Variants in GLRA3 observed in about 807,000 individuals in gnomAD.
GLRA3 encodes glycine receptor alpha 3.
GLRA3 carries 44 observed loss-of-function variants against 60.4 expected under a neutral mutation model. The observed-to-expected ratio is 0.73, with a 90% CI of 0.57 to 0.94. The LOEUF (loss-of-function observed/expected upper bound fraction) is 0.94, where lower values mean the gene tolerates loss of function less well. Among genes scored for constraint, GLRA3 ranks in the 40% least tolerant of loss-of-function variants. The probability of loss-of-function intolerance (pLI) is 0.00; values close to 1 mark genes in which losing one functional copy is unlikely to be tolerated. For synonymous variants in GLRA3, 223 were observed against 192.9 expected, an observed-to-expected ratio of 1.16 and a Z score of -1.29; for missense variants, 508 against 564.6, an observed-to-expected ratio of 0.90 and a Z score of 1.02.
At chr4:174,676,049 A>G (rs1734104619) in intron 7 of GLRA3, among the ~76,000 whole-genome samples, 1 of 152,194 alleles carries the variant, frequency 6.6e-6, no homozygotes, top group Non-Finnish European at 1.5e-5. Flanking sequence ...GCTTCTTGGA[A>G]GCTATGCAGA....
In GLRA3 at chr4:174,695,339, T is replaced by C. The variant is rs984285138; in HGVS notation, c.575-12400A>G. 2.0e-5 allele frequency among the ~76,000 whole-genome samples: 3 copies of C among 151,942 alleles called. No individual in the cohort carries two copies. The East Asian group carries it at 5.8e-4, about 29-fold the overall frequency. ...GAAGAACATCGGTGCAAAAATTCTC[T>C]ACAAAATAATTTCAAACTGAAACCA... On this transcript the variant is annotated intron_variant, in intron 5 of 9. Transcript: ENST00000274093.
At chr4:174,809,534 A>G (rs1740180677) in intron 1 of GLRA3, among the ~76,000 whole-genome samples, 1 of 152,096 alleles carries the variant, frequency 6.6e-6, no homozygotes, top group African/African-American at 2.4e-5. Context: ...GGAGTTTGAG[A>G]CCAGCCTGGA....
At chr4:174,811,919 T>C (rs1279959496) in intron 1 of GLRA3, among the ~76,000 whole-genome samples, 22 of 152,166 alleles carry the variant, frequency 1.4e-4, no homozygotes. Context: ...AAAATCAATG[T>C]GAAAAAAGTT....
intron 3 of GLRA3, among the ~76,000 whole-genome samples, chr4:174,745,499 T>C (rs1209256786): frequency 6.6e-6 from 1 of 152,232 alleles, no homozygotes; most frequent in Non-Finnish European, 1.5e-5. Flanking sequence ...ACTTACTATG[T>C]ATTTTCATAG....
intron 5 of GLRA3, chr4:174,712,812 G>T (rs765735941): frequency 2.4e-4 from 36 of 151,166 alleles, no homozygotes; most frequent in Non-Finnish European, 3.5e-4. Context: ...AAGGAGAAAA[G>T]AAAAAAATAG....
intron 9 of GLRA3, among the ~76,000 whole-genome samples, chr4:174,647,426 C>T (rs1212503187): frequency 1.5e-5 from 2 of 137,208 alleles, no homozygotes; most frequent in Non-Finnish European, 3.1e-5. Context: ...AAAAAAAAAA[C>T]TCATGGAAAA....
chr4:174,806,325 C>A (rs1740050752), intron 1 of GLRA3, among the ~76,000 whole-genome samples: 1 of 152,004 alleles, frequency 6.6e-6, no homozygotes, highest in African/African-American at 2.4e-5. Context: ...AACCAAACAA[C>A]AAAATTTCAA....
At chr4:174,824,300 T>C (rs1740868272) in intron 1 of GLRA3, among the ~76,000 whole-genome samples, 1 of 152,232 alleles carries the variant, frequency 6.6e-6, no homozygotes, top group South Asian at 2.1e-4. Context: ...TCTAGTAGTG[T>C]GTCATTGTTT....
intron 1 of GLRA3, among the ~76,000 whole-genome samples, chr4:174,820,123 AG>A (rs1188522182): frequency 6.6e-6 from 1 of 152,216 alleles, no homozygotes; most frequent in Admixed American, 6.5e-5. Context: ...AGAACAAGTA[AG>A]GCATAACTGA....
rs542210429 is a variant in GLRA3 at position 174,783,425 on chromosome 4, T to C, written c.199+5391A>G. ...TAGGCATGGGCAAGGACTTCATGTCTAAAACACCAAAAGCAACGGCAACAA... is the reference window on the plus strand; with the variant it reads ...TAGGCATGGGCAAGGACTTCATGTCCAAAACACCAAAAGCAACGGCAACAA... On this transcript the variant is annotated intron_variant, in intron 2 of 9. Coordinates refer to ENST00000274093, the MANE Select transcript of GLRA3 (RefSeq NM_006529.4). Among the ~76,000 whole-genome samples the C allele has an allele frequency of 4.1e-4, 53 of 129,874 alleles. 2 individuals carry two copies. Among genetic ancestry groups the C allele is most frequent in the African/African-American group, 1.4e-3 (48 of 35,412 alleles). 85.2% of individuals were successfully genotyped at this position (129,874 alleles called of 152,430 possible).
chr4:174,752,740 A>T (rs1737538884), intron 3 of GLRA3, among the ~76,000 whole-genome samples: 1 of 152,080 alleles, frequency 6.6e-6, no homozygotes, highest in South Asian at 2.1e-4. Flanking sequence ...GTTGCCCAGG[A>T]TTTATCAGTG....
intron 9 of GLRA3, among the ~76,000 whole-genome samples, chr4:174,653,577 G>C (rs1387341428): frequency 2.0e-5 from 3 of 151,750 alleles, no homozygotes; most frequent in Non-Finnish European, 2.9e-5. Flanking sequence ...TTGATAAATG[G>C]TAAAATTTAA....
At chr4:174,762,066 T>A (rs2111224829) in intron 3 of GLRA3, among the ~76,000 whole-genome samples, 1 of 152,302 alleles carries the variant, frequency 6.6e-6, no homozygotes, top group African/African-American at 2.4e-5. Flanking sequence ...AATGAATGCA[T>A]AAACCATGTA....
At chr4:174,701,961 T>C (rs923765796) in intron 5 of GLRA3, among the ~76,000 whole-genome samples, 3 of 152,208 alleles carry the variant, frequency 2.0e-5, no homozygotes, top group Non-Finnish European at 2.9e-5. Context: ...GTGAACATTG[T>C]TGAAATGACA....
At chr4:174,774,813 T>C (rs897519169) in intron 2 of GLRA3, among the ~76,000 whole-genome samples, 1 of 152,138 alleles carries the variant, frequency 6.6e-6, no homozygotes, top group Non-Finnish European at 1.5e-5. Flanking sequence ...ATCAGCAAAT[T>C]AGAAGGTAGC....
rs377268718 is a variant in GLRA3 at position 174,733,573 on chromosome 4, T to C, written c.268-4875A>G. On this transcript the variant is annotated intron_variant, in intron 3 of 9. Transcript: ENST00000274093. ...AGACAGTGTTCCTGTGCCTTAGTCA[T>C]CTCAGGGCTAGGTACCAGGCAACTA... 2.4e-4 allele frequency among the ~76,000 whole-genome samples: 36 copies of C among 152,296 alleles called. 2 individuals carry two copies. The South Asian group carries it at 5.0e-3, about 21-fold the overall frequency.
At chr4:174,689,499 C>G (rs74667447) in intron 5 of GLRA3, among the ~76,000 whole-genome samples, 1 of 151,900 alleles carries the variant, frequency 6.6e-6, no homozygotes. Context: ...ATTGAAGTCA[C>G]GGCTTTTAGA....
At position 174,642,649 on chromosome 4, in the gene GLRA3, G is replaced by A. The variant is rs1411331732; in HGVS notation, c.*1137C>T. The A allele has an allele frequency of 1.2e-6, 1 of 812,746 alleles. No individual in the cohort carries two copies. The highest frequency in any genetic ancestry group is 1.9e-5 in the African/African-American group (1 of 53,798). The allele number at this position is 812,746 out of a possible 1,614,324, so 50.3% of individuals were successfully genotyped here. The stretch of plus-strand genomic sequence containing the variant: ...TTATTCACATCTTGCGAATGGCTTA[G>A]ATTTTGAAATCATTAATTCAGAAAT... On this transcript the variant is annotated 3_prime_UTR_variant, in exon 10 of 10. Coordinates refer to ENST00000274093, the MANE Select transcript of GLRA3 (RefSeq NM_006529.4).
At chr4:174,700,794 G>GCAA (rs1203915296) in intron 5 of GLRA3, among the ~76,000 whole-genome samples, 1 of 152,168 alleles carries the variant, frequency 6.6e-6, no homozygotes, top group Non-Finnish European at 1.5e-5. Flanking sequence ...GATCAAACCA[G>GCAA]CAACAACATT....
Sources: gnomAD v4.1 joint callset for allele counts (sites outside exome capture counted in the v4.1 genomes callset) on GRCh38, gnomAD v4.1.1 for gene constraint, MANE v1.5 for transcripts, NCBI Gene and HGNC (gene_info 2026-07-23, HGNC 2026-07-21) for gene names.